KMT2A: variants seen among roughly 807,000 people sequenced by gnomAD.
KMT2A encodes the protein histone-lysine N-methyltransferase 2A.
In KMT2A, 16 loss-of-function variants were observed where a neutral mutation model predicts 345.3. The ratio of observed to expected loss-of-function variants is 0.05; its 90% CI spans 0.03 to 0.07. KMT2A has a LOEUF of 0.07. Among genes scored for constraint, KMT2A ranks in the 10% least tolerant of loss-of-function variants. KMT2A has a pLI of 1.00. For missense variants in KMT2A, 3,272 were observed against 4,841.6 expected (o/e 0.68, Z 9.62); for synonymous variants, 1,599 against 1,778.6 (o/e 0.90, Z 2.54).
intron 1 of KMT2A, among the ~76,000 whole-genome samples, chr11:118,451,654 G>A (rs1949540471): frequency 7.0e-6 from 1 of 143,260 alleles, no homozygotes; most frequent in Non-Finnish European, 1.5e-5. Flanking sequence ...CTCCCAAAGT[G>A]AATTTTTTTT....
At chr11:118,466,919 C>T (rs1262862762) in intron 1 of KMT2A, among the ~76,000 whole-genome samples, 1 of 151,964 alleles carries the variant, frequency 6.6e-6, no homozygotes. Context: ...GTAAGCCAGG[C>T]ATAGTGGTGC....
In KMT2A at chr11:118,494,123, C is replaced by T. The variant is rs182962865; in HGVS notation, c.5179-165C>T. 1.1e-3 allele frequency among the ~76,000 whole-genome samples: 175 copies of T among 152,298 alleles called. 1 individual carries two copies. The highest frequency in any genetic ancestry group is 3.8e-3 in the African/African-American group (157 of 41,566). ...CATCTCTTAATTGCCACAGGTTAATCGTGAATTGAATCTCAAAGGTCTCAG... is the reference window on the plus strand; with the variant it reads ...CATCTCTTAATTGCCACAGGTTAATTGTGAATTGAATCTCAAAGGTCTCAG... On this transcript the variant is annotated intron_variant, in intron 16 of 35. Coordinates refer to ENST00000534358, the MANE Select transcript of KMT2A (RefSeq NM_001197104.2). This position sits in a 1 kb window ranked among gnomAD's most constrained non-coding sequence, Gnocchi z 5.8.
At position 118,481,918 on chromosome 11, in the gene KMT2A, G is replaced by A. The variant is rs370731183; in HGVS notation, c.3838G>A (p.Gly1280Arg). 5.0e-6 allele frequency: 8 copies of A among 1,614,082 alleles called. No homozygotes were observed. Among genetic ancestry groups the A allele is most frequent in the Non-Finnish European group, 5.9e-6 (7 of 1,180,040 alleles). The change falls in exon 7 of 36, where the codon GGG becomes AGG. Residue 1280 changes from glycine (G) to arginine (R), a missense_variant. Physicochemically the swap from Gly to Arg is moderately radical, Grantham distance 125. This residue lies in a region of KMT2A where 168 missense variants were observed against 216.0 expected (regional missense o/e 0.78). Coordinates refer to ENST00000534358, the MANE Select transcript of KMT2A (RefSeq NM_001197104.2). ...KSEEGNVSAPGPESKQATTPA... is the reference protein window; with the variant it reads ...KSEEGNVSAPRPESKQATTPA... ...TGAAGAAGGGAATGTCTCGGCCCCT[G>A]GGCCTGAATCCAAACAGGCCACCAC...
intron 23 of KMT2A, among the ~76,000 whole-genome samples, 191 bp downstream of exon 23, chr11:118,499,611 C>A (rs782410250): frequency 6.6e-6 from 1 of 151,984 alleles, no homozygotes; most frequent in Non-Finnish European, 1.5e-5. Flanking sequence ...GTGGTGAAAC[C>A]CTGTCTCTAC....
chr11:118,526,529 A>G lies in KMT2A; in HGVS notation c.*4357A>G. The G allele has an allele frequency of 4.3e-6, 1 of 230,534 alleles. No individual in the cohort carries two copies. The highest frequency in any genetic ancestry group is 8.6e-6 in the Non-Finnish European group (1 of 116,510). The allele number at this position is 230,534 out of a possible 1,614,324, so 14.3% of individuals were successfully genotyped here. On this transcript the variant is annotated 3_prime_UTR_variant, in exon 36 of 36. Coordinates refer to ENST00000534358, the MANE Select transcript of KMT2A (RefSeq NM_001197104.2). Reference sequence around the variant, plus strand: ...ACATTTTTTGACAACTTTATCATGTATAACAGATCTGTTTTTTTTCCTTGT... The same window carrying G: ...ACATTTTTTGACAACTTTATCATGTGTAACAGATCTGTTTTTTTTCCTTGT...
chr11:118,477,048 G>T (rs898836467), intron 4 of KMT2A, 66 bp downstream of exon 4: 2 of 1,512,666 alleles, frequency 1.3e-6, no homozygotes, highest in African/African-American at 2.7e-5. Context: ...TTATTCTGGG[G>T]ATGCCCAGTA....
chr11:118,456,874 T>G (rs557478747), intron 1 of KMT2A, among the ~76,000 whole-genome samples: 11 of 152,208 alleles, frequency 7.2e-5, no homozygotes, highest in Non-Finnish European at 1.3e-4. Context: ...TAAACCTGTC[T>G]CCTTTCTGTG....
chr11:118,506,712 G>A (rs1950590729), intron 27 of KMT2A, 66 bp downstream of exon 27: 1 of 1,460,082 alleles, frequency 6.8e-7, no homozygotes, highest in Non-Finnish European at 9.3e-7. Flanking sequence ...AGGGGCTGTT[G>A]ATGTGGTAGT....
chr11:118,480,383 A>C, intron 6 of KMT2A, 145 bp downstream of exon 6: 2 of 496,070 alleles, frequency 4.0e-6, no homozygotes, highest in Non-Finnish European at 7.1e-6. Flanking sequence ...TAATAGGTAC[A>C]TGGGGGTTGA....
chr11:118,442,858 G>C (rs932697748), intron 1 of KMT2A, among the ~76,000 whole-genome samples: 4 of 152,064 alleles, frequency 2.6e-5, no homozygotes, highest in Non-Finnish European at 5.9e-5. Context: ...TTCTTTACTA[G>C]ATCTACATGT....
Position 118,507,638 on chromosome 11 carries a change from T to C in KMT2A, c.10835+29T>C, listed in dbSNP as rs782754583. On this transcript the variant is annotated intron_variant, in intron 28 of 35. Transcript: ENST00000534358. Reference sequence around the variant, plus strand: ...AGCTGAAGAATTCGTCTTTTAAGACTAAGCTCTCAGTTTTGTCCACCTCAT... The same window carrying C: ...AGCTGAAGAATTCGTCTTTTAAGACCAAGCTCTCAGTTTTGTCCACCTCAT... 3 of 1,568,894 alleles carry C rather than the reference T, an allele frequency of 1.9e-6. No homozygotes were observed. The Admixed American group carries it at 5.0e-5, about 26-fold the overall frequency.
intron 1 of KMT2A, among the ~76,000 whole-genome samples, chr11:118,437,636 C>T (rs1335265214): frequency 1.3e-5 from 2 of 151,196 alleles, no homozygotes; most frequent in Admixed American, 6.6e-5. Flanking sequence ...ACCTCCTTTC[C>T]CTCTGAAGAT....
In KMT2A at chr11:118,484,276, C is replaced by G. The variant is rs1555040245; in HGVS notation, c.4180C>G (p.Pro1394Ala). 6.2e-7 allele frequency: 1 copy of G among 1,614,002 alleles called. No homozygotes were observed. The highest frequency in any genetic ancestry group is 1.7e-5 in the Admixed American group (1 of 59,988). The change falls in exon 9 of 36, where the codon CCA becomes GCA. Residue 1394 changes from proline (P) to alanine (A), a missense_variant. Pro to Ala is a conservative substitution (Grantham distance 27). This residue lies in a region of KMT2A where 168 missense variants were observed against 216.0 expected (regional missense o/e 0.78). Coordinates refer to ENST00000534358, the MANE Select transcript of KMT2A (RefSeq NM_001197104.2). This position sits in a 1 kb window ranked among gnomAD's most constrained non-coding sequence, Gnocchi z 4.1. ...TGGCAATAGTTCTAAGCAAAAAATT[C>G]CAGCAGATGGAGTCCACAGGATCAG... ...SNGNSSKQKI[P>A]ADGVHRIRVD...
chr11:118,488,595 T>C lies in KMT2A; in HGVS notation c.4333-19T>C. ...CATATTATTTGACATACTTCTATCT[T>C]CCCATGTTCTTACTATAGTTTGTGT... On this transcript the variant is annotated intron_variant, in intron 10 of 35. Transcript: ENST00000534358. The C allele has an allele frequency of 1.9e-6, 3 of 1,612,432 alleles. No individual in the cohort carries two copies. The highest frequency in any genetic ancestry group is 2.5e-6 in the Non-Finnish European group (3 of 1,178,658).
chr11:118,491,099 A>G lies in KMT2A; in HGVS notation c.4697-97A>G. The G allele has an allele frequency of 3.2e-6, 4 of 1,239,624 alleles. No individual in the cohort carries two copies. In the South Asian group the frequency reaches 5.8e-5, roughly 18 times the overall value. The allele number at this position is 1,239,624 out of a possible 1,614,324, so 76.8% of individuals were successfully genotyped here. A position where few individuals can be genotyped will look rare whatever the true frequency, so the allele number is the denominator to read the frequency against. The stretch of plus-strand genomic sequence containing the variant: ...TGCTGGTGTTCATGATCCCAGAAGA[A>G]TATAGATTTAGATTGGGTTGGTAAA... On this transcript the variant is annotated intron_variant, in intron 13 of 35. Transcript: ENST00000534358. This position sits in a 1 kb window ranked among gnomAD's most constrained non-coding sequence, Gnocchi z 4.2.
chr11:118,519,380 C>A, intron 31 of KMT2A: 1 of 445,412 alleles, frequency 2.2e-6, no homozygotes, highest in Non-Finnish European at 4.1e-6. Context: ...CAAAATAGTC[C>A]ATAGTTTGGT....
intron 26 of KMT2A, 70 bp downstream of exon 26, chr11:118,501,927 C>A: frequency 1.5e-6 from 2 of 1,302,814 alleles, no homozygotes; most frequent in Non-Finnish European, 2.1e-6. Context: ...TTCTTTCAGG[C>A]AACTTTATCT....
At chr11:118,480,318 T>C in intron 6 of KMT2A, 80 bp downstream of exon 6, 1 of 1,088,406 alleles carries the variant, frequency 9.2e-7, no homozygotes, top group African/African-American at 1.6e-5. Flanking sequence ...TAGAAGAGAA[T>C]ACTTTTTTTT....
Position 118,472,671 on chromosome 11 carries a change from C to T in KMT2A, c.1512C>T (p.Ser504=), listed in dbSNP as rs1555036041. The change falls in exon 3 of 36, where the codon AGC becomes AGT. Residue 504 remains serine (S), a synonymous_variant. Transcript: ENST00000534358. ...EEIQVLPEER[S]DTPEVHPPLP... is the part of the protein sequence containing the mutation. ...TTCAGGTACTTCCTGAGGAGCGGAG[C>T]GATACCCCTGAAGTTCATCCTCCAC... The T allele has an allele frequency of 2.5e-6, 4 of 1,612,914 alleles. No individual in the cohort carries two copies. The highest frequency in any genetic ancestry group is 1.3e-5 in the African/African-American group (1 of 74,588).
Sources: gnomAD v4.1 joint callset for allele counts (sites outside exome capture counted in the v4.1 genomes callset) on GRCh38, gnomAD v4.1.1 for gene constraint, gnomAD v4.1.1 regional missense constraint, Gnocchi (gnomAD v3.1) non-coding constraint, MANE v1.5 for transcripts, NCBI Gene and HGNC (gene_info 2026-07-23, HGNC 2026-07-21) for gene names.